The following SLC4A4 variants were observed in gnomAD, a reference collection of about 807,000 sequenced individuals.
SLC4A4 encodes the protein solute carrier family 4 member 4.
SLC4A4 carries 27 observed loss-of-function variants against 111.5 expected under a neutral mutation model. The observed-to-expected ratio is 0.24, with a 90% confidence interval of 0.18 to 0.33. The LOEUF is 0.33. Ranked by LOEUF, SLC4A4 falls within the 10% of genes least tolerant of loss-of-function variation. The pLI, the probability that SLC4A4 is intolerant of heterozygous loss-of-function variation, is 1.00. For missense variants in SLC4A4, 909 were observed against 1,315.5 expected (o/e 0.69, Z 4.78); for synonymous variants, 443 against 463.4 (o/e 0.96, Z 0.57).
Position 71,369,749 on chromosome 4 carries a change from T to C in SLC4A4, c.730+12562T>C, listed in dbSNP as rs539812540. On this transcript the variant is annotated intron_variant, in intron 6 of 25. Coordinates refer to ENST00000264485, the MANE Select transcript of SLC4A4 (RefSeq NM_001098484.3). Reference sequence around the variant, plus strand: ...CCAAAAGAGAACATGCACAGGAAGCTACATGCACTTTCCCACAGGTTTCTA... The same window carrying C: ...CCAAAAGAGAACATGCACAGGAAGCCACATGCACTTTCCCACAGGTTTCTA... Among the ~76,000 whole-genome samples the C allele has an allele frequency of 3.9e-3, 597 of 152,324 alleles. 1 individual carries two copies. The highest frequency in any genetic ancestry group is 7.4e-3 in the Non-Finnish European group (501 of 68,032).
chr4:71,427,346 CAT>C (rs1227068020), intron 7 of SLC4A4, among the ~76,000 whole-genome samples: 2 of 151,904 alleles, frequency 1.3e-5, no homozygotes, highest in Non-Finnish European at 2.9e-5. Flanking sequence ...TTTGATATGT[CAT>C]GTGTTCATAT....
intron 1 of SLC4A4, among the ~76,000 whole-genome samples, chr4:71,191,962 G>A (rs1344073400): frequency 2.0e-5 from 3 of 151,854 alleles, no homozygotes; most frequent in Non-Finnish European, 2.9e-5. Flanking sequence ...CTTTTTTGGG[G>A]ATTAAAAAAA....
rs966450746 is a variant in SLC4A4, at chr4:71,088,081, G to C, written c.-64-4649G>C. ...CTCTAAGGACTTGCTTTATGAATCT[G>C]GGTTCTCCTGTATTGGGTGCATATA... On this transcript the variant is annotated intron_variant, in intron 1 of 26. Coordinates refer to the SLC4A4 transcript ENST00000649996. Among the ~76,000 whole-genome samples the C allele has an allele frequency of 2.1e-4, 32 of 151,834 alleles. 1 individual carries two copies. The highest frequency in any genetic ancestry group is 7.3e-4 in the African/African-American group (30 of 41,198).
intron 2 of SLC4A4, among the ~76,000 whole-genome samples, chr4:71,156,588 GCACA>G (rs1553957345): frequency 4.3e-5 from 6 of 138,510 alleles, no homozygotes; most frequent in Admixed American, 7.6e-5. Context: ...GCGCGCGCGC[GCACA>G]CACACACACA....
rs1725147085 is a variant in SLC4A4 at position 71,300,419 on chromosome 4, C to A, written c.254-38951C>A. On this transcript the variant is annotated intron_variant, in intron 3 of 25. Coordinates refer to ENST00000264485, the MANE Select transcript of SLC4A4 (RefSeq NM_001098484.3). ...AGAGGCATGGGATGCTGCTGCTGTG[C>A]TTCATGACAGCGGACATGACAGGAG... 4 of 233,482 alleles carry A rather than the reference C, an allele frequency of 1.7e-5. No individual in the cohort carries two copies. In the South Asian group the frequency reaches 3.1e-4, roughly 18 times the overall value. The allele number at this position is 233,482 out of a possible 1,614,324, so 14.5% of individuals were successfully genotyped here. A position where few individuals can be genotyped will look rare whatever the true frequency, so the allele number is the denominator to read the frequency against.
intron 3 of SLC4A4, among the ~76,000 whole-genome samples, chr4:71,279,615 T>C (rs1723343892): frequency 6.6e-6 from 1 of 152,170 alleles, no homozygotes; most frequent in Non-Finnish European, 1.5e-5. Context: ...AAGATAGTAA[T>C]TTTGTTTCCT....
chr4:71,140,803 A>C (rs1361540033), intron 2 of SLC4A4, among the ~76,000 whole-genome samples: 1 of 152,216 alleles, frequency 6.6e-6, no homozygotes, highest in Non-Finnish European at 1.5e-5. Context: ...CTGTCATTCA[A>C]GATACCACCT....
chr4:71,563,650 A>C (rs1289861640), intron 23 of SLC4A4, 143 bp from the exon 24 acceptor site: 1 of 677,534 alleles, frequency 1.5e-6, no homozygotes, highest in Non-Finnish European at 2.6e-6. Context: ...TGCAGTTAAA[A>C]GATGGCAAAC....
At chr4:71,476,853 A>C (rs1204856097) in intron 14 of SLC4A4, among the ~76,000 whole-genome samples, 3 of 151,672 alleles carry the variant, frequency 2.0e-5, no homozygotes, top group African/African-American at 7.3e-5. Context: ...CATGCCATAC[A>C]TGGGTGGTTT....
At chr4:71,145,820 T>G (rs149675786) in intron 2 of SLC4A4, among the ~76,000 whole-genome samples, 1 of 152,218 alleles carries the variant, frequency 6.6e-6, no homozygotes, top group Admixed American at 6.5e-5. Context: ...TTCTTGCGTC[T>G]ATTTGATTCT....
At chr4:71,479,010 C>G in intron 14 of SLC4A4, among the ~76,000 whole-genome samples, 1 of 151,428 alleles carries the variant, frequency 6.6e-6, no homozygotes, top group East Asian at 2.0e-4. Flanking sequence ...AATTTTCTGA[C>G]CAGGTGTCAG....
intron 1 of SLC4A4, among the ~76,000 whole-genome samples, chr4:71,198,364 G>T (rs562998508): frequency 3.0e-4 from 45 of 152,098 alleles, no homozygotes; most frequent in Admixed American, 7.2e-4. Context: ...CTCTTAATAG[G>T]AATATTTAAG....
At chr4:71,155,527 A>G (rs1744433799) in intron 2 of SLC4A4, among the ~76,000 whole-genome samples, 1 of 152,114 alleles carries the variant, frequency 6.6e-6, no homozygotes, top group Non-Finnish European at 1.5e-5. Flanking sequence ...CAGTGGCACC[A>G]TTATAGCTCA....
chr4:71,374,282 T>C (rs1732144574), intron 6 of SLC4A4, among the ~76,000 whole-genome samples: 1 of 152,224 alleles, frequency 6.6e-6, no homozygotes. Flanking sequence ...GGGTCACTTA[T>C]TGTACCATTT....
At chr4:71,068,807 T>C (rs1451185086) in intron 1 of SLC4A4, among the ~76,000 whole-genome samples, 1 of 152,164 alleles carries the variant, frequency 6.6e-6, no homozygotes, top group Non-Finnish European at 1.5e-5. Context: ...GCTCAAGTGA[T>C]CTGCCTGCCT....
At chr4:71,118,340 C>T (rs1373458224) in intron 2 of SLC4A4, among the ~76,000 whole-genome samples, 3 of 152,108 alleles carry the variant, frequency 2.0e-5, no homozygotes, top group Admixed American at 2.0e-4. Context: ...TTATCCTTTT[C>T]TTCGATAATA....
At chr4:71,264,325 A>G (rs2149071969) in intron 3 of SLC4A4, among the ~76,000 whole-genome samples, 1 of 152,272 alleles carries the variant, frequency 6.6e-6, no homozygotes, top group East Asian at 1.9e-4. Flanking sequence ...CCTGATGGTG[A>G]TGGTATTGTT....
At chr4:71,216,766 G>A (rs144586533) in intron 1 of SLC4A4, among the ~76,000 whole-genome samples, 6 of 152,312 alleles carry the variant, frequency 3.9e-5, no homozygotes, top group East Asian at 3.9e-4. Flanking sequence ...TAATGTGACC[G>A]TCATAAACTT....
intron 23 of SLC4A4, among the ~76,000 whole-genome samples, chr4:71,560,654 A>T (rs1263874859): frequency 1.3e-5 from 2 of 151,782 alleles, no homozygotes; most frequent in Non-Finnish European, 2.9e-5. Flanking sequence ...CCTAATGTGG[A>T]TAGATGTCAA....
Sources: allele counts gnomAD v4.1 joint callset (sites outside exome capture counted in the v4.1 genomes callset), GRCh38; gene constraint gnomAD v4.1.1; transcripts MANE v1.5; gene names NCBI Gene and HGNC (gene_info 2026-07-23, HGNC 2026-07-21).